Variants in TMCO5A observed in about 807,000 individuals in gnomAD.
TMCO5A encodes transmembrane and coiled-coil domain-containing protein 5A.
Under a neutral mutation model 42.3 loss-of-function variants are expected in TMCO5A, and 34 were observed. That is an observed-to-expected ratio of 0.80 (90% CI 0.61 to 1.07). The LOEUF (loss-of-function observed/expected upper bound fraction) is 1.07. TMCO5A is among the 50% of genes least tolerant of loss of function. The pLI is 0.00. For missense variants in TMCO5A, 357 were observed against 327.9 expected, an observed-to-expected ratio of 1.09 and a Z score of -0.69; for synonymous variants, 131 against 115.6, an observed-to-expected ratio of 1.13 and a Z score of -0.86.
intron 11 of TMCO5A, among the ~76,000 whole-genome samples, chr15:37,962,409 T>C (rs1343122693): frequency 6.6e-6 from 1 of 152,136 alleles, no homozygotes; most frequent in African/African-American, 2.4e-5. Context: ...TGATGGATTA[T>C]CTTTTTGATA....
chr15:38,037,258 C>T, the TMCO5A span, among the ~76,000 whole-genome samples: 1 of 152,178 alleles, frequency 6.6e-6, no homozygotes, highest in Non-Finnish European at 1.5e-5. Context: ...CAGCAAAATG[C>T]TTAGAATCAG....
chr15:37,981,241 G>A, the TMCO5A span, among the ~76,000 whole-genome samples: 4 of 150,346 alleles, frequency 2.7e-5, no homozygotes, highest in Non-Finnish European at 5.9e-5. Context: ...CCCAGAAGGC[G>A]GAGCAAGCCA....
At chr15:38,021,402 T>C in the TMCO5A span, among the ~76,000 whole-genome samples, 1 of 152,178 alleles carries the variant, frequency 6.6e-6, no homozygotes, top group Non-Finnish European at 1.5e-5. Flanking sequence ...ACTCAGCATA[T>C]TTCCACCTTG....
At chr15:38,031,854 T>G in the TMCO5A span, among the ~76,000 whole-genome samples, 2 of 152,158 alleles carry the variant, frequency 1.3e-5, no homozygotes, top group Non-Finnish European at 2.9e-5. Context: ...CATAGCCCAC[T>G]GCCCCTTGTG....
intron 2 of TMCO5A, 34 bp from the exon 3 acceptor site, chr15:37,936,280 T>C: frequency 6.3e-7 from 1 of 1,586,452 alleles, no homozygotes; most frequent in South Asian, 1.2e-5. Context: ...TTGAGATAAC[T>C]GGCCCTTGTT....
downstream of TMCO5A, among the ~76,000 whole-genome samples, chr15:37,954,263 T>C (rs116308117): frequency 0.016 from 2,434 of 152,014 alleles, 72 homozygotes; most frequent in African/African-American, 0.055. Flanking sequence ...AATAATCAAA[T>C]TCCCAAAGGT....
intron 11 of TMCO5A, among the ~76,000 whole-genome samples, chr15:37,963,977 C>A (rs1489828326): frequency 6.6e-6 from 1 of 152,154 alleles, no homozygotes; most frequent in Non-Finnish European, 1.5e-5. Flanking sequence ...TAATAATTAA[C>A]CTCCTGAATT....
the TMCO5A span, among the ~76,000 whole-genome samples, chr15:37,981,029 T>C: frequency 6.6e-6 from 1 of 152,128 alleles, no homozygotes; most frequent in Non-Finnish European, 1.5e-5. Context: ...CAAAAGTTAT[T>C]GTAGAAGAAT....
chr15:37,947,842 CTT>C (rs1473652559), intron 11 of TMCO5A, 146 bp downstream of exon 11: 3 of 541,686 alleles, frequency 5.5e-6, no homozygotes, highest in Admixed American at 7.6e-5. Flanking sequence ...AAACTAATGT[CTT>C]TGACTGTATT....
chr15:37,936,820 C>T (rs1889529089), intron 3 of TMCO5A, 27 bp from the exon 4 acceptor site: 2 of 1,609,430 alleles, frequency 1.2e-6, no homozygotes, highest in Non-Finnish European at 1.7e-6. Context: ...AGCATGGGTC[C>T]TCATGGCATG....
chr15:38,033,149 C>G, the TMCO5A span, among the ~76,000 whole-genome samples: 1 of 151,980 alleles, frequency 6.6e-6, no homozygotes, highest in African/African-American at 2.4e-5. Context: ...AGGATGGTCT[C>G]GATTTCCTGA....
intron 4 of TMCO5A, 127 bp from the exon 5 acceptor site, chr15:37,937,219 A>G: frequency 3.4e-6 from 4 of 1,187,430 alleles, no homozygotes; most frequent in Non-Finnish European, 4.9e-6. Flanking sequence ...CAATATACAC[A>G]TGACATTATG....
chr15:37,947,612 G>A (rs747908601), intron 10 of TMCO5A, 44 bp from the exon 11 acceptor site: 48 of 1,276,200 alleles, frequency 3.8e-5, no homozygotes, highest in Non-Finnish European at 5.3e-5. Flanking sequence ...GATGATAATA[G>A]CCTCCAGAAA....
intron 10 of TMCO5A, among the ~76,000 whole-genome samples, chr15:37,946,377 C>T (rs1289348090): frequency 6.6e-6 from 1 of 151,522 alleles, no homozygotes; most frequent in Non-Finnish European, 1.5e-5. Flanking sequence ...ATTTTAAAAT[C>T]ATTTTTTCTA....
At chr15:37,969,283 G>A (rs117387474), downstream of TMCO5A, among the ~76,000 whole-genome samples, 291 of 152,232 alleles carry the variant, frequency 1.9e-3, 4 homozygotes, top group East Asian at 0.031. Context: ...ATCTCAAATG[G>A]AAGTACCAAA....
chr15:37,939,367 A>G (rs1232359615), intron 6 of TMCO5A, among the ~76,000 whole-genome samples: 1 of 152,170 alleles, frequency 6.6e-6, no homozygotes, highest in Non-Finnish European at 1.5e-5. Context: ...AATTCAGGTA[A>G]GTTATCTGGA....
chr15:37,962,174 T>C lies in TMCO5A; in HGVS notation c.669-4451T>C, dbSNP rs1038780802. Among the ~76,000 whole-genome samples the C allele has an allele frequency of 2.8e-4, 42 of 152,298 alleles. 1 individual carries two copies. Among genetic ancestry groups the C allele is most frequent in the African/African-American group, 8.4e-4 (35 of 41,578 alleles). On this transcript the variant is annotated intron_variant, in intron 11 of 11. Transcript: ENST00000559502. ...CATTCAGCATTATATTGGCTGGTGA[T>C]TTGTCATAGATGGCTTTTATTACAT...
At chr15:37,988,176 G>A in the TMCO5A span, among the ~76,000 whole-genome samples, 1 of 151,880 alleles carries the variant, frequency 6.6e-6, no homozygotes, top group Admixed American at 6.6e-5. Flanking sequence ...AGAAATGCAA[G>A]TGATTTTTGT....
At chr15:37,937,243 G>A (rs1889549835) in intron 4 of TMCO5A, 103 bp from the exon 5 acceptor site, 10 of 1,381,928 alleles carry the variant, frequency 7.2e-6, no homozygotes. Flanking sequence ...ATAAGGTCAA[G>A]TTACTGCAGG....
Sources: gnomAD v4.1 joint callset for allele counts (sites outside exome capture counted in the v4.1 genomes callset) on GRCh38, gnomAD v4.1.1 for gene constraint, MANE v1.5 for transcripts, NCBI Gene and HGNC (gene_info 2026-07-23, HGNC 2026-07-21) for gene names.